TRAM1: variants seen among roughly 807,000 people sequenced by gnomAD.
TRAM1 encodes translocating chain-associated membrane protein 1.
Under a neutral mutation model 48.7 loss-of-function variants are expected in TRAM1, and 17 were observed. The observed-to-expected ratio is 0.35, with a 90% CI of 0.24 to 0.52. The LOEUF (loss-of-function observed/expected upper bound fraction) is 0.52, where lower values mean the gene tolerates loss of function less well. Among genes scored for constraint, TRAM1 ranks in the 20% least tolerant of loss-of-function variants. TRAM1 has a pLI of 0.94. For synonymous variants in TRAM1, 182 were observed against 154.0 expected (o/e 1.18, Z -1.34); for missense variants, 351 against 441.5 (o/e 0.79, Z 1.84).
chr8:70,590,880 A>G (rs1817340044), intron 6 of TRAM1, among the ~76,000 whole-genome samples: 1 of 152,232 alleles, frequency 6.6e-6, no homozygotes, highest in East Asian at 1.9e-4. Context: ...TTGTACACTC[A>G]AAGCTTACCA....
In TRAM1 at chr8:70,594,566, T is replaced by C. The variant is rs1348066863; in HGVS notation, c.510A>G (p.Ile170Met). Residue 170 changes from isoleucine (I) to methionine (M), a missense_variant, in exon 6 of 11, where the codon ATA becomes ATG. By Grantham distance (10) the Ile-to-Met change is conservative (BLOSUM62 1). Coordinates refer to ENST00000262213, the MANE Select transcript of TRAM1 (RefSeq NM_014294.6). ...LMTFQMKFFY[I>M]SQLAYWLHAF... is the part of the protein sequence containing the mutation. Reference sequence around the variant, plus strand: ...CATGAAGCCAGTAAGCCAGCTGTGATATGTAGAAAAACTTCATTTGAAATC... The same window carrying C: ...CATGAAGCCAGTAAGCCAGCTGTGACATGTAGAAAAACTTCATTTGAAATC... 1 of 1,599,220 alleles carries C rather than the reference T, an allele frequency of 6.3e-7. No homozygotes were observed. Among genetic ancestry groups the C allele is most frequent in the Non-Finnish European group, 8.5e-7 (1 of 1,173,338 alleles).
At chr8:70,586,790 T>C in intron 8 of TRAM1, 105 bp downstream of exon 8, 1 of 903,004 alleles carries the variant, frequency 1.1e-6, no homozygotes, top group Non-Finnish European at 1.7e-6. Flanking sequence ...CGGCTACTGA[T>C]CGCTTAAAAA....
intron 6 of TRAM1, among the ~76,000 whole-genome samples, chr8:70,588,283 A>G (rs1244394318): frequency 6.6e-6 from 1 of 152,072 alleles, no homozygotes; most frequent in Non-Finnish European, 1.5e-5. Flanking sequence ...CTTTTAAAAC[A>G]TGAAATAAAA....
intron 1 of TRAM1, among the ~76,000 whole-genome samples, chr8:70,605,669 T>A (rs1817704816): frequency 6.6e-6 from 1 of 152,224 alleles, no homozygotes; most frequent in African/African-American, 2.4e-5. Flanking sequence ...GTCCTATATA[T>A]AGATAACATG....
In TRAM1 at chr8:70,608,291, T is replaced by G. The variant is rs1380131415; in HGVS notation, c.-92A>C. On this transcript the variant is annotated 5_prime_UTR_variant, in exon 1 of 11. Coordinates refer to ENST00000262213, the MANE Select transcript of TRAM1 (RefSeq NM_014294.6). ...CTCGCCGCCGCCTCCCGCTGGCTGC[T>G]CCTCACGGCCCCGCTGCAGCCGCTC... The G allele has an allele frequency of 2.8e-6, 4 of 1,453,526 alleles. No individual in the cohort carries two copies. The highest frequency in any genetic ancestry group is 3.6e-6 in the Non-Finnish European group (4 of 1,103,152). 90.0% of individuals were successfully genotyped at this position (1,453,526 alleles called of 1,614,324 possible). A position where few individuals can be genotyped will look rare whatever the true frequency, so the allele number is the denominator to read the frequency against.
intron 10 of TRAM1, among the ~76,000 whole-genome samples, chr8:70,575,345 T>C (rs1165175453): frequency 6.6e-6 from 1 of 152,244 alleles, no homozygotes. Context: ...GGGATATTTG[T>C]TTACAATATA....
chr8:70,589,229 T>C (rs931047564), intron 6 of TRAM1, among the ~76,000 whole-genome samples: 2 of 152,204 alleles, frequency 1.3e-5, no homozygotes, highest in African/African-American at 4.8e-5. Flanking sequence ...ATTCTTCCAA[T>C]GGAAGAGAGA....
intron 3 of TRAM1, 27 bp from the exon 4 acceptor site, chr8:70,598,038 T>C: frequency 6.5e-7 from 1 of 1,530,722 alleles, no homozygotes. Flanking sequence ...CCATTAGTAA[T>C]TAAGAATAAA....
In TRAM1 at chr8:70,598,231, G is replaced by A; in HGVS notation, c.212C>T (p.Ser71Phe). The A allele has an allele frequency of 6.2e-7, 1 of 1,610,248 alleles. No individual in the cohort carries two copies. The highest frequency in any genetic ancestry group is 8.5e-7 in the Non-Finnish European group (1 of 1,178,230). The change falls in exon 3 of 11, where the codon TCC becomes TTC. Residue 71 changes from serine (S) to phenylalanine (F), a missense_variant. Ser to Phe is a radical substitution (Grantham distance 155). Coordinates refer to ENST00000262213, the MANE Select transcript of TRAM1 (RefSeq NM_014294.6). ...ATCTTTGATGCCATAGTAATAAAGGGACACTGATTCAGTAGCTTGTTCTTC... is the reference window on the plus strand; with the variant it reads ...ATCTTTGATGCCATAGTAATAAAGGAACACTGATTCAGTAGCTTGTTCTTC... The part of the protein sequence containing the change: ...ATEEQATESV[S>F]LYYYGIKDLA...
In TRAM1 at chr8:70,596,299, G is replaced by A. The variant is rs149952087; in HGVS notation, c.449C>T (p.Thr150Ile). ...ATGGGGATAAGCCCTCCATAAGATA[G>A]TTGGGTCTGAGATGTAGTTTTCCTA... ...LISENYISDP[T>I]ILWRAYPHNL... Residue 150 changes from threonine to isoleucine, a missense_variant, in exon 5 of 11, where the codon ACT becomes ATT. Transcript: ENST00000262213. 4.4e-4 allele frequency: 711 copies of A among 1,600,690 alleles called. 1 individual carries two copies. Among genetic ancestry groups the A allele is most frequent in the Non-Finnish European group, 4.2e-4 (492 of 1,174,958 alleles).
At chr8:70,594,632 A>T (rs768776356) in intron 5 of TRAM1, 42 bp from the exon 6 acceptor site, 29 of 1,479,716 alleles carry the variant, frequency 2.0e-5, no homozygotes, top group South Asian at 1.3e-4. Flanking sequence ...TTAAAGCATA[A>T]TTTTTTTAAA....
In TRAM1 at chr8:70,577,868, G is replaced by T. The variant is rs183114542; in HGVS notation, c.1052-2863C>A. ...CCTTGTCCAGTCATGGGTCCCTGCAGCGGAAGCCGCATGCAGTACATCTGG... is the reference window on the plus strand; with the variant it reads ...CCTTGTCCAGTCATGGGTCCCTGCATCGGAAGCCGCATGCAGTACATCTGG... On this transcript the variant is annotated intron_variant, in intron 10 of 10. Coordinates refer to ENST00000262213, the MANE Select transcript of TRAM1 (RefSeq NM_014294.6). Among the ~76,000 whole-genome samples, 42 of 152,362 alleles carry T rather than the reference G, an allele frequency of 2.8e-4. 1 individual carries two copies. The East Asian group carries it at 7.5e-3, about 27-fold the overall frequency.
chr8:70,598,332 T>C (rs1264976121), intron 2 of TRAM1, 77 bp from the exon 3 acceptor site: 15 of 1,395,550 alleles, frequency 1.1e-5, no homozygotes, highest in Non-Finnish European at 1.1e-5. Flanking sequence ...AACATAGTTA[T>C]GGAAACAAAG....
chr8:70,589,887 T>C (rs1041506055), intron 6 of TRAM1, among the ~76,000 whole-genome samples: 4 of 152,170 alleles, frequency 2.6e-5, no homozygotes, highest in African/African-American at 9.7e-5. Flanking sequence ...TATTTTGTTA[T>C]TTAATATACC....
In TRAM1 at chr8:70,573,396, A is replaced by C. The variant is rs1176855777; in HGVS notation, c.*1536T>G. On this transcript the variant is annotated 3_prime_UTR_variant, in exon 11 of 11. Transcript: ENST00000262213. ...GTACATTTTAATGAGGTTATATACCAAAATAGCCTAAACACCAACAATGAC... is the reference window on the plus strand; with the variant it reads ...GTACATTTTAATGAGGTTATATACCCAAATAGCCTAAACACCAACAATGAC... The C allele has an allele frequency of 2.0e-5, 3 of 152,670 alleles. No individual in the cohort carries two copies. The highest frequency in any genetic ancestry group is 4.4e-5 in the Non-Finnish European group (3 of 68,036). 9.5% of individuals were successfully genotyped at this position (152,670 alleles called of 1,614,324 possible). A position where few individuals can be genotyped will look rare whatever the true frequency, so the allele number is the denominator to read the frequency against.
chr8:70,592,849 T>C (rs1817398806), intron 6 of TRAM1, among the ~76,000 whole-genome samples: 1 of 152,234 alleles, frequency 6.6e-6, no homozygotes, highest in African/African-American at 2.4e-5. Context: ...AAATGGTACA[T>C]ACTAGCCACA....
chr8:70,573,894 T>C lies in TRAM1; in HGVS notation c.*1038A>G, dbSNP rs1348345805. 1.3e-5 allele frequency: 2 copies of C among 153,686 alleles called. No homozygotes were observed. Among genetic ancestry groups the C allele is most frequent in the African/African-American group, 4.8e-5 (2 of 41,450 alleles). 9.5% of individuals were successfully genotyped at this position (153,686 alleles called of 1,614,324 possible). ...TATATTTATCCAAAAATATGTTTTA[T>C]ACAGATAAATGTTTCTCAATTAAAG... is the stretch of plus-strand genomic sequence containing the variant. On this transcript the variant is annotated 3_prime_UTR_variant, in exon 11 of 11. Coordinates refer to ENST00000262213, the MANE Select transcript of TRAM1 (RefSeq NM_014294.6).
chr8:70,603,971 C>A (rs1307853189), intron 1 of TRAM1, among the ~76,000 whole-genome samples: 1 of 152,168 alleles, frequency 6.6e-6, no homozygotes, highest in Non-Finnish European at 1.5e-5. Flanking sequence ...AAGCCTCACA[C>A]CCTGCTAGCA....
rs1038268236 is a variant in TRAM1 at position 70,573,438 on chromosome 8, C to CAA, written c.*1492_*1493dup. The CAA allele has an allele frequency of 1.4e-4, 21 of 152,704 alleles. No homozygotes were observed. The highest frequency in any genetic ancestry group is 4.8e-4 in the African/African-American group (20 of 41,546). The allele number at this position is 152,704 out of a possible 1,614,324, so 9.5% of individuals were successfully genotyped here. A position where few individuals can be genotyped will look rare whatever the true frequency, so the allele number is the denominator to read the frequency against. Reference sequence around the variant, plus strand: ...AACAATGACAGAAACATCCAGGATACAACTTGTGAAAGTAAAAATTTTTAT... The same window carrying CAA: ...AACAATGACAGAAACATCCAGGATACAAAACTTGTGAAAGTAAAAATTTTTAT... On this transcript the variant is annotated 3_prime_UTR_variant, in exon 11 of 11. Transcript: ENST00000262213.
Sources: gnomAD v4.1 joint callset for allele counts (sites outside exome capture counted in the v4.1 genomes callset) on GRCh38, gnomAD v4.1.1 for gene constraint, MANE v1.5 for transcripts, NCBI Gene and HGNC (gene_info 2026-07-23, HGNC 2026-07-21) for gene names.